PI4KA: variants seen among roughly 807,000 people sequenced by gnomAD.
PI4KA encodes the protein PI4-kinase alpha.
A neutral mutation model predicts 271.4 loss-of-function variants in PI4KA; 122 were observed. The ratio of observed to expected loss-of-function variants is 0.45; its 90% confidence interval spans 0.39 to 0.52. The LOEUF (loss-of-function observed/expected upper bound fraction) is 0.52, where lower values mean the gene tolerates loss of function less well. Among genes scored for constraint, PI4KA ranks in the 20% least tolerant of loss-of-function variants. PI4KA has a pLI of 0.00. For synonymous variants in PI4KA, 1,041 were observed against 1,078.8 expected (o/e 0.96, Z 0.69); for missense variants, 1,969 against 2,769.1 (o/e 0.71, Z 6.48).
At chr22:20,735,981 A>G (rs1298701901) in intron 32 of PI4KA, among the ~76,000 whole-genome samples, 1 of 152,098 alleles carries the variant, frequency 6.6e-6, no homozygotes, top group Non-Finnish European at 1.5e-5. Flanking sequence ...GGCCTCGTGG[A>G]CTCTGGGCAT....
At chr22:20,837,800 T>G (rs1925047733) in intron 2 of PI4KA, among the ~76,000 whole-genome samples, 1 of 152,144 alleles carries the variant, frequency 6.6e-6, no homozygotes, top group Non-Finnish European at 1.5e-5. Context: ...GGCTAGATTT[T>G]AAGTCCCTAT....
At chr22:20,818,747 G>A (rs1326482966) in intron 6 of PI4KA, among the ~76,000 whole-genome samples, 198 bp from the exon 7 acceptor site, 3 of 152,100 alleles carry the variant, frequency 2.0e-5, no homozygotes, top group South Asian at 2.1e-4. Context: ...GTGTTTAGCC[G>A]TATATTTGAC....
At chr22:20,732,098 C>T (rs1484054758) in intron 36 of PI4KA, among the ~76,000 whole-genome samples, 2 of 151,984 alleles carry the variant, frequency 1.3e-5, no homozygotes, top group Non-Finnish European at 2.9e-5. Flanking sequence ...GGCACATACC[C>T]GGGAGGCAGA....
chr22:20,823,296 A>C (rs1185672448), intron 4 of PI4KA, among the ~76,000 whole-genome samples: 2 of 152,136 alleles, frequency 1.3e-5, no homozygotes, highest in Non-Finnish European at 2.9e-5. Flanking sequence ...TTCATAGAAA[A>C]AAGCCCTTAA....
At chr22:20,754,868 A>T (rs982906591) in intron 23 of PI4KA, among the ~76,000 whole-genome samples, 11 of 152,110 alleles carry the variant, frequency 7.2e-5, no homozygotes, top group Non-Finnish European at 1.6e-4. Context: ...GAATCGCTTG[A>T]CCCCAGGAGA....
rs916968031 is a variant in PI4KA at position 20,714,413 on chromosome 22, G to A, written c.5461+45C>T. 2.6e-6 allele frequency: 4 copies of A among 1,550,850 alleles called. No individual in the cohort carries two copies. In the African/African-American group the frequency reaches 4.2e-5, roughly 16 times the overall value. ...TGCCAGAAGAAACTGGCATTAGCAA[G>A]GAAAAGCACTGAGCTCCCAAACAAA... is the stretch of plus-strand genomic sequence containing the variant. On this transcript the variant is annotated intron_variant, in intron 47 of 54. Transcript: ENST00000255882.
chr22:20,837,087 C>T (rs1924961899), intron 2 of PI4KA, among the ~76,000 whole-genome samples: 1 of 152,058 alleles, frequency 6.6e-6, no homozygotes, highest in Admixed American at 6.6e-5. Flanking sequence ...TTTCTTTTCA[C>T]ATTTATAAAT....
At chr22:20,816,984 A>G (rs1209916755) in intron 7 of PI4KA, among the ~76,000 whole-genome samples, 1 of 152,226 alleles carries the variant, frequency 6.6e-6, no homozygotes, top group Non-Finnish European at 1.5e-5. Flanking sequence ...AAAGGCAGGC[A>G]GGTGGCAGTG....
intron 19 of PI4KA, among the ~76,000 whole-genome samples, chr22:20,771,221 A>G (rs1932859030): frequency 6.6e-6 from 1 of 152,048 alleles, no homozygotes; most frequent in Non-Finnish European, 1.5e-5. Flanking sequence ...TTAGGAGTTC[A>G]AGACCAGCCT....
At chr22:20,754,509 T>C (rs1931060358) in intron 23 of PI4KA, among the ~76,000 whole-genome samples, 1 of 152,230 alleles carries the variant, frequency 6.6e-6, no homozygotes. Flanking sequence ...GCGATTGATA[T>C]TTTGGGGAAG....
intron 37 of PI4KA, 84 bp from the exon 38 acceptor site, chr22:20,729,795 T>C: frequency 6.3e-7 from 1 of 1,583,744 alleles, no homozygotes. Flanking sequence ...AAGCTTGCAG[T>C]GCTCTGTTCT....
chr22:20,770,019 T>G (rs1932799706), intron 19 of PI4KA, among the ~76,000 whole-genome samples: 1 of 152,130 alleles, frequency 6.6e-6, no homozygotes, highest in African/African-American at 2.4e-5. Context: ...GGATATTTAG[T>G]ATTCAATTAT....
At chr22:20,711,254 A>G in intron 51 of PI4KA, 87 bp downstream of exon 51, 1 of 856,112 alleles carries the variant, frequency 1.2e-6, no homozygotes, top group African/African-American at 2.4e-5. Flanking sequence ...GGTCCTGGGC[A>G]TTCTCCTCTC....
intron 19 of PI4KA, among the ~76,000 whole-genome samples, chr22:20,774,760 A>C (rs1353095918): frequency 3.6e-5 from 2 of 56,228 alleles, no homozygotes; most frequent in African/African-American, 1.9e-4. Context: ...GACTCCGTCA[A>C]AAAAAAAAAA....
At chr22:20,774,534 G>T (rs529925657) in intron 19 of PI4KA, among the ~76,000 whole-genome samples, 1 of 152,142 alleles carries the variant, frequency 6.6e-6, no homozygotes, top group Non-Finnish European at 1.5e-5. Context: ...AGGCCGAGGC[G>T]GGTGGATCAC....
Position 20,742,227 on chromosome 22 carries a change from C to G in PI4KA, c.3741+1G>C. On this transcript the variant is annotated splice_donor_variant, in intron 32 of 54. Transcript: ENST00000255882. LOFTEE classifies it high-confidence loss of function. ...CTGCCAACCCGAGGTCAGGGTCCTA[C>G]CGGCACTTCCACTCCATCCTTGCCA... The G allele has an allele frequency of 6.2e-7, 1 of 1,613,848 alleles. No homozygotes were observed. The highest frequency in any genetic ancestry group is 8.5e-7 in the Non-Finnish European group (1 of 1,179,852).
intron 3 of PI4KA, among the ~76,000 whole-genome samples, chr22:20,834,242 G>A (rs745359398): frequency 6.6e-6 from 1 of 152,156 alleles, no homozygotes; most frequent in Non-Finnish European, 1.5e-5. Flanking sequence ...AACAGTGACT[G>A]ATTTGGGGAC....
intron 23 of PI4KA, among the ~76,000 whole-genome samples, chr22:20,759,913 T>A (rs1048431861): frequency 5.9e-5 from 9 of 152,068 alleles, no homozygotes; most frequent in Non-Finnish European, 1.0e-4. Flanking sequence ...TTGGCCAGGC[T>A]GGTCTCAAAC....
At chr22:20,847,147 CAAA>C (rs752062607) in intron 1 of PI4KA, among the ~76,000 whole-genome samples, 4 of 74,952 alleles carry the variant, frequency 5.3e-5, no homozygotes, top group Non-Finnish European at 2.7e-5. Flanking sequence ...GACTCCATCT[CAAA>C]AAAAAAAAAA....
Sources: allele counts gnomAD v4.1 joint callset (sites outside exome capture counted in the v4.1 genomes callset), GRCh38; gene constraint gnomAD v4.1.1; transcripts MANE v1.5; gene names NCBI Gene and HGNC (gene_info 2026-07-23, HGNC 2026-07-21).